Variants in CXCL13 observed in about 807,000 individuals in gnomAD.
CXCL13 encodes the protein C-X-C motif chemokine 13.
In CXCL13, 7 loss-of-function variants were observed where a neutral mutation model predicts 12.2. The ratio of observed to expected loss-of-function variants is 0.57; its 90% CI spans 0.33 to 1.07. The LOEUF is 1.07. Ranked by LOEUF, CXCL13 falls within the 50% of genes least tolerant of loss-of-function variation. The pLI is 0.04. For synonymous variants in CXCL13, 47 were observed against 42.4 expected (o/e 1.11, Z -0.42); for missense variants, 113 against 127.4 (o/e 0.89, Z 0.55).
rs201075745 is a variant in CXCL13 at position 77,610,706 on chromosome 4, A to G, written c.278+12A>G. The G allele has an allele frequency of 2.7e-3, 4,316 of 1,596,934 alleles. 8 individuals are homozygous for G. The highest frequency in any genetic ancestry group is 3.2e-3 in the Non-Finnish European group (3,759 of 1,164,300). On this transcript the variant is annotated intron_variant, in intron 3 of 3. Transcript: ENST00000682537. ...GAAGTATTGAGAAAGTAAGTTAGGC[A>G]TAACAAGGGGTTTCAGATTCCAACT...
intron 1 of CXCL13, among the ~76,000 whole-genome samples, chr4:77,558,550 A>T (rs1010165788): frequency 6.6e-6 from 1 of 152,188 alleles, no homozygotes; most frequent in Non-Finnish European, 1.5e-5. Context: ...ATGAGGTTTC[A>T]CCATGTTGGC....
At chr4:77,571,424 A>G (rs1166178923) in intron 1 of CXCL13, among the ~76,000 whole-genome samples, 1 of 143,864 alleles carries the variant, frequency 7.0e-6, no homozygotes, top group East Asian at 2.1e-4. Context: ...AAATACACCA[A>G]TCGGCACTCT....
chr4:77,514,302 G>A (rs1394936505), intron 1 of CXCL13, among the ~76,000 whole-genome samples: 5 of 150,708 alleles, frequency 3.3e-5, no homozygotes, highest in African/African-American at 4.9e-5. Context: ...ATGATTTATA[G>A]TCCTTTGGGT....
chr4:77,538,456 T>C (rs1725118775), intron 1 of CXCL13, among the ~76,000 whole-genome samples: 1 of 149,758 alleles, frequency 6.7e-6, no homozygotes, highest in Admixed American at 6.7e-5. Context: ...AGCTGTGGAC[T>C]CTTCCAGGAA....
At chr4:77,541,385 G>T (rs1386057429) in intron 1 of CXCL13, among the ~76,000 whole-genome samples, 1 of 151,798 alleles carries the variant, frequency 6.6e-6, no homozygotes, top group Non-Finnish European at 1.5e-5. Flanking sequence ...TTAATTTGGG[G>T]TCTTACATTT....
chr4:77,530,748 G>A (rs529080990), intron 1 of CXCL13, among the ~76,000 whole-genome samples: 1 of 151,936 alleles, frequency 6.6e-6, no homozygotes. Context: ...TTGATTTTTT[G>A]AAGGGTTTTT....
intron 1 of CXCL13, among the ~76,000 whole-genome samples, chr4:77,574,157 C>T (rs187312993): frequency 1.3e-5 from 2 of 151,946 alleles, no homozygotes; most frequent in Non-Finnish European, 2.9e-5. Context: ...TTTTTCTCTT[C>T]TTGGCTCTTG....
intron 1 of CXCL13, among the ~76,000 whole-genome samples, chr4:77,580,938 C>A (rs1336580839): frequency 6.7e-6 from 1 of 150,312 alleles, no homozygotes; most frequent in Non-Finnish European, 1.5e-5. Flanking sequence ...CACATTCTCA[C>A]TTCTTTACTT....
chr4:77,565,700 C>T (rs750276270), intron 1 of CXCL13, among the ~76,000 whole-genome samples: 2 of 152,124 alleles, frequency 1.3e-5, no homozygotes, highest in African/African-American at 4.8e-5. Context: ...AAAGGACTCA[C>T]CGTCTAGTAG....
At chr4:77,555,449 G>T (rs892767318) in intron 1 of CXCL13, among the ~76,000 whole-genome samples, 1 of 151,956 alleles carries the variant, frequency 6.6e-6, no homozygotes, top group Non-Finnish European at 1.5e-5. Flanking sequence ...AATAGTGCTT[G>T]AACCACTGGA....
chr4:77,580,358 C>G (rs1726297667), intron 1 of CXCL13, among the ~76,000 whole-genome samples: 1 of 39,976 alleles, frequency 2.5e-5, no homozygotes. Context: ...GATGGAGTCT[C>G]TCTCTTTCAC....
At chr4:77,558,960 G>A (rs1024871396) in intron 1 of CXCL13, among the ~76,000 whole-genome samples, 1 of 152,140 alleles carries the variant, frequency 6.6e-6, no homozygotes, top group Non-Finnish European at 1.5e-5. Flanking sequence ...CCTTAATTGA[G>A]CTTGGTGAAG....
chr4:77,540,112 C>A lies in CXCL13; in HGVS notation c.-43+28324C>A, dbSNP rs549457125. 5.3e-5 allele frequency among the ~76,000 whole-genome samples: 8 copies of A among 152,148 alleles called. No homozygotes were observed. The East Asian group carries it at 7.7e-4, about 15-fold the overall frequency. On this transcript the variant is annotated intron_variant, in intron 1 of 4. Transcript: ENST00000286758. ...ATGTTCAGTATTATAGATTGATTAT[C>A]TCTGTTAACTTTATGTAATTTATAT...
At chr4:77,528,807 CT>C (rs1430168759) in intron 1 of CXCL13, among the ~76,000 whole-genome samples, 2 of 152,170 alleles carry the variant, frequency 1.3e-5, no homozygotes, top group South Asian at 2.1e-4. Flanking sequence ...TCAATTTTGG[CT>C]TTTGTTGCCA....
upstream of CXCL13, among the ~76,000 whole-genome samples, chr4:77,602,974 A>G (rs1422952898): frequency 1.3e-5 from 2 of 152,212 alleles, no homozygotes; most frequent in Non-Finnish European, 2.9e-5. Flanking sequence ...GGTCTAAATA[A>G]GCTAAATCCA....
intron 1 of CXCL13, among the ~76,000 whole-genome samples, chr4:77,554,197 G>A (rs1185229139): frequency 4.6e-5 from 7 of 151,766 alleles, no homozygotes; most frequent in Non-Finnish European, 1.0e-4. Flanking sequence ...TATTTTTTTG[G>A]CAGCCAATGC....
chr4:77,573,344 A>T (rs1031111807), intron 1 of CXCL13, among the ~76,000 whole-genome samples: 3 of 150,828 alleles, frequency 2.0e-5, no homozygotes, highest in Non-Finnish European at 4.4e-5. Flanking sequence ...GTTCCAAGAA[A>T]AAAAGCTATT....
At chr4:77,545,704 T>G (rs543553164) in intron 1 of CXCL13, among the ~76,000 whole-genome samples, 7 of 152,336 alleles carry the variant, frequency 4.6e-5, no homozygotes, top group South Asian at 2.1e-4. Flanking sequence ...CAGAGACAAT[T>G]TGACTTCCTC....
intron 1 of CXCL13, among the ~76,000 whole-genome samples, chr4:77,563,836 C>T (rs1224242633): frequency 5.3e-5 from 8 of 152,162 alleles, no homozygotes; most frequent in Admixed American, 5.2e-4. Flanking sequence ...GAACAGGTGT[C>T]TTTGGGACAT....
Sources: gnomAD v4.1 joint callset for allele counts (sites outside exome capture counted in the v4.1 genomes callset) on GRCh38, gnomAD v4.1.1 for gene constraint, MANE v1.5 for transcripts, NCBI Gene and HGNC (gene_info 2026-07-23, HGNC 2026-07-21) for gene names.